The following HUNK variants were observed in gnomAD, a reference collection of about 807,000 sequenced individuals.
HUNK encodes hormonally up-regulated neu tumor-associated kinase.
In HUNK, 21 loss-of-function variants were observed where a neutral mutation model predicts 61.0. The ratio of observed to expected loss-of-function variants is 0.34; its 90% CI spans 0.24 to 0.50. HUNK has a LOEUF of 0.50. Among genes scored for constraint, HUNK ranks in the 20% least tolerant of loss-of-function variants. HUNK has a pLI of 0.98. For missense variants in HUNK, 772 were observed against 945.7 expected, an observed-to-expected ratio of 0.82 and a Z score of 2.41; for synonymous variants, 371 against 386.1, an observed-to-expected ratio of 0.96 and a Z score of 0.46.
At chr21:31,943,607 C>CA (rs764794560) in intron 3 of HUNK, among the ~76,000 whole-genome samples, 6 of 152,222 alleles carry the variant, frequency 3.9e-5, no homozygotes, top group Non-Finnish European at 7.3e-5. Flanking sequence ...AGTTGCTTAA[C>CA]ATGCAGATTC....
chr21:31,877,470 A>T (rs533230622), intron 1 of HUNK, among the ~76,000 whole-genome samples: 3 of 152,188 alleles, frequency 2.0e-5, no homozygotes, highest in Non-Finnish European at 4.4e-5. Flanking sequence ...TTTAGAAGCC[A>T]TTTGAATCTA....
chr21:31,953,728 A>G (rs1054397457), intron 4 of HUNK, among the ~76,000 whole-genome samples: 1 of 152,230 alleles, frequency 6.6e-6, no homozygotes, highest in Non-Finnish European at 1.5e-5. Context: ...TACTATTATT[A>G]TCCACATCTT....
At chr21:31,918,829 G>A (rs1301930887) in intron 1 of HUNK, among the ~76,000 whole-genome samples, 1 of 152,212 alleles carries the variant, frequency 6.6e-6, no homozygotes, top group East Asian at 1.9e-4. Context: ...GACATTTTCA[G>A]GTTCCAGGGA....
At chr21:31,997,520 G>A (rs1057314267) in intron 10 of HUNK, among the ~76,000 whole-genome samples, 13 of 152,304 alleles carry the variant, frequency 8.5e-5, no homozygotes, top group African/African-American at 3.1e-4. Context: ...ACTTATATGA[G>A]GTCCCTAGAG....
At chr21:31,994,669 CTGAGT>C (rs1374452880) in intron 9 of HUNK, among the ~76,000 whole-genome samples, 1 of 152,174 alleles carries the variant, frequency 6.6e-6, no homozygotes, top group African/African-American at 2.4e-5. Flanking sequence ...GAAGCTTGAA[CTGAGT>C]TAATTTTAGT....
chr21:31,992,282 G>A (rs2053176703), intron 9 of HUNK, among the ~76,000 whole-genome samples: 3 of 152,212 alleles, frequency 2.0e-5, no homozygotes, highest in Non-Finnish European at 2.9e-5. Context: ...GGCTAAGGAT[G>A]GGTTTCCCCC....
chr21:31,902,551 T>C (rs372105606), intron 1 of HUNK, among the ~76,000 whole-genome samples: 2 of 152,158 alleles, frequency 1.3e-5, no homozygotes, highest in Non-Finnish European at 2.9e-5. Flanking sequence ...TTGTGGGAGT[T>C]ACATGAAGCA....
chr21:31,875,285 C>T (rs2052252391), intron 1 of HUNK, among the ~76,000 whole-genome samples: 1 of 152,194 alleles, frequency 6.6e-6, no homozygotes, highest in South Asian at 2.1e-4. Flanking sequence ...TCCCTCCCCA[C>T]CCCATTTCCC....
chr21:31,981,965 T>TGCC (rs1450231511), intron 7 of HUNK, among the ~76,000 whole-genome samples: 50 of 152,190 alleles, frequency 3.3e-4, no homozygotes, highest in Non-Finnish European at 8.8e-5. Flanking sequence ...GTTTGTTACA[T>TGCC]AAGTAAACAT....
chr21:31,931,068 C>CAA (rs10673838), intron 2 of HUNK, among the ~76,000 whole-genome samples: 7,872 of 72,458 alleles, frequency 0.11, 512 homozygotes, highest in African/African-American at 0.26. Flanking sequence ...AAGACCTAAC[C>CAA]AAAAAAAAAA....
At chr21:31,899,688 C>T (rs1381697651) in intron 1 of HUNK, among the ~76,000 whole-genome samples, 1 of 152,172 alleles carries the variant, frequency 6.6e-6, no homozygotes, top group African/African-American at 2.4e-5. Context: ...TCTTCATTCC[C>T]TGCTACTCCT....
intron 5 of HUNK, among the ~76,000 whole-genome samples, chr21:31,967,648 G>A (rs1352333373): frequency 2.0e-5 from 3 of 152,016 alleles, no homozygotes; most frequent in Admixed American, 2.0e-4. Context: ...GGTGGGCGGC[G>A]GTGCAGAATG....
At position 31,968,751 on chromosome 21, in the gene HUNK, TGTGAGA is replaced by T. The variant is rs1306774295; in HGVS notation, c.1010+368_1010+373del. On this transcript the variant is annotated intron_variant, in intron 6 of 10. Transcript: ENST00000270112. ...GTGTGTGTGTGTGTGTGTGTGTGTG[TGTGAGA>T]GAGAGAGAGTGAGTGTCTATGTCTG... 5.4e-3 allele frequency among the ~76,000 whole-genome samples: 573 copies of T among 106,352 alleles called. 5 individuals carry two copies. Among genetic ancestry groups the T allele is most frequent in the African/African-American group, 0.018 (526 of 29,102 alleles). The allele number at this position is 106,352 out of a possible 152,430, so 69.8% of individuals were successfully genotyped here.
intron 5 of HUNK, among the ~76,000 whole-genome samples, chr21:31,962,686 A>G (rs2052937180): frequency 6.6e-6 from 1 of 152,190 alleles, no homozygotes. Context: ...GCATTTCTAT[A>G]TCTGATTTTC....
At chr21:31,986,320 C>G (rs2053132765) in intron 8 of HUNK, among the ~76,000 whole-genome samples, 1 of 151,996 alleles carries the variant, frequency 6.6e-6, no homozygotes, top group Non-Finnish European at 1.5e-5. Flanking sequence ...CCCATCACCA[C>G]ATTCTGCCAA....
rs1333978021 is a variant in HUNK, at chr21:32,001,202, G to A, written c.*2018G>A. 6.6e-6 allele frequency: 1 copy of A among 152,664 alleles called. No homozygotes were observed. The highest frequency in any genetic ancestry group is 2.4e-5 in the African/African-American group (1 of 41,432). 9.5% of individuals were successfully genotyped at this position (152,664 alleles called of 1,614,324 possible). ...GAGGTGGGAGGATCACTTGAACCTA[G>A]GAGGTCGAGGCTGCAGTGAGCCAAG... On this transcript the variant is annotated 3_prime_UTR_variant, in exon 11 of 11. Coordinates refer to ENST00000270112, the MANE Select transcript of HUNK (RefSeq NM_014586.2).
chr21:31,969,570 C>CT (rs1005480558), intron 6 of HUNK, among the ~76,000 whole-genome samples: 254 of 143,680 alleles, frequency 1.8e-3, no homozygotes, highest in Middle Eastern at 0.011. Flanking sequence ...TCTCTTTTTT[C>CT]TTTTTTTTTT....
At chr21:31,987,979 G>T (rs1188319810) in intron 8 of HUNK, among the ~76,000 whole-genome samples, 1 of 152,208 alleles carries the variant, frequency 6.6e-6, no homozygotes, top group Non-Finnish European at 1.5e-5. Flanking sequence ...CGTGTCCCGG[G>T]CACTGAGTGC....
At chr21:31,901,381 G>A (rs1183442097) in intron 1 of HUNK, among the ~76,000 whole-genome samples, 1 of 152,120 alleles carries the variant, frequency 6.6e-6, no homozygotes, top group Admixed American at 6.6e-5. Flanking sequence ...TCCCCCTCTA[G>A]GCCCTGGGAA....
Sources: allele counts gnomAD v4.1 joint callset (sites outside exome capture counted in the v4.1 genomes callset), GRCh38; gene constraint gnomAD v4.1.1; transcripts MANE v1.5; gene names NCBI Gene and HGNC (gene_info 2026-07-23, HGNC 2026-07-21).